The following PRICKLE1 variants were observed in gnomAD, a reference collection of about 807,000 sequenced individuals.
The protein encoded by PRICKLE1 is prickle-like protein 1.
Under a neutral mutation model 70.2 loss-of-function variants are expected in PRICKLE1, and 14 were observed. The observed-to-expected ratio is 0.20, with a 90% CI of 0.13 to 0.31. The LOEUF (loss-of-function observed/expected upper bound fraction) is 0.31, where lower values mean the gene tolerates loss of function less well. Ranked by LOEUF, PRICKLE1 falls within the 10% of genes least tolerant of loss-of-function variation. The pLI is 1.00. For missense variants in PRICKLE1, 821 were observed against 1,026.2 expected (o/e 0.80, Z 2.73); for synonymous variants, 357 against 379.9 (o/e 0.94, Z 0.70).
chr12:42,472,544 C>T lies in PRICKLE1; in HGVS notation c.-28G>A, dbSNP rs749324672. 1.7e-5 allele frequency: 28 copies of T among 1,613,946 alleles called. No individual in the cohort carries two copies. The South Asian group carries it at 3.1e-4, about 18-fold the overall frequency. On this transcript the variant is annotated 5_prime_UTR_variant, in exon 2 of 8. The change creates a new upstream start codon in the 5' untranslated region. Coordinates refer to ENST00000345127, the MANE Select transcript of PRICKLE1 (RefSeq NM_153026.3). Reference sequence around the variant, plus strand: ...AGTTTAAAGCCTGGTTTCTCAGTCACAGGACATCAAACAATGGCTGCTGTG... The same window carrying T: ...AGTTTAAAGCCTGGTTTCTCAGTCATAGGACATCAAACAATGGCTGCTGTG...
intron 1 of PRICKLE1, among the ~76,000 whole-genome samples, chr12:42,508,232 C>A (rs926077591): frequency 6.6e-6 from 1 of 152,060 alleles, no homozygotes; most frequent in Non-Finnish European, 1.5e-5. Flanking sequence ...TATAAAGGAT[C>A]CTCCACGCTC....
At chr12:42,537,370 G>T (rs1160777654) in intron 1 of PRICKLE1, among the ~76,000 whole-genome samples, 2 of 151,898 alleles carry the variant, frequency 1.3e-5, no homozygotes, top group Non-Finnish European at 2.9e-5. Flanking sequence ...TTGCCATGTT[G>T]CCCAGGCTGG....
chr12:42,571,064 T>C (rs1024878826), intron 1 of PRICKLE1, among the ~76,000 whole-genome samples: 1 of 152,188 alleles, frequency 6.6e-6, no homozygotes, highest in African/African-American at 2.4e-5. Context: ...AAGGTTGTCT[T>C]AACACATACA....
intron 1 of PRICKLE1, among the ~76,000 whole-genome samples, chr12:42,540,888 C>G (rs1940099822): frequency 6.6e-6 from 1 of 152,082 alleles, no homozygotes; most frequent in Non-Finnish European, 1.5e-5. Context: ...CTCCATCAAG[C>G]CTCCTTACTC....
chr12:42,496,150 G>A (rs1404770765), intron 1 of PRICKLE1, among the ~76,000 whole-genome samples: 1 of 152,220 alleles, frequency 6.6e-6, no homozygotes, highest in Non-Finnish European at 1.5e-5. Context: ...TTCATGAGCT[G>A]CAGAATGGAT....
chr12:42,578,265 G>A (rs1940834870), intron 1 of PRICKLE1, among the ~76,000 whole-genome samples: 1 of 152,122 alleles, frequency 6.6e-6, no homozygotes, highest in Admixed American at 6.5e-5. Context: ...TCACTTAGAG[G>A]ATTAGCTTTT....
chr12:42,565,807 C>CT, intron 1 of PRICKLE1, among the ~76,000 whole-genome samples: 1 of 152,298 alleles, frequency 6.6e-6, no homozygotes, highest in Middle Eastern at 3.4e-3. Context: ...TGAGGACAGA[C>CT]TGGGCTAAGG....
At chr12:42,581,048 T>C (rs1940889934) in intron 1 of PRICKLE1, among the ~76,000 whole-genome samples, 1 of 152,116 alleles carries the variant, frequency 6.6e-6, no homozygotes, top group African/African-American at 2.4e-5. Context: ...AAGGACACCT[T>C]AGACATCACC....
chr12:42,534,915 T>C (rs186972014), intron 1 of PRICKLE1, among the ~76,000 whole-genome samples: 33 of 152,352 alleles, frequency 2.2e-4, no homozygotes, highest in Admixed American at 1.9e-3. Flanking sequence ...GCAGTAGATA[T>C]GTATGGTTTT....
At chr12:42,559,636 T>TTTG (rs769414237) in intron 1 of PRICKLE1, among the ~76,000 whole-genome samples, 46 of 88,190 alleles carry the variant, frequency 5.2e-4, no homozygotes, top group East Asian at 1.0e-3. Context: ...TTTTTTTTTT[T>TTTG]GGGGGGGGTA....
At chr12:42,548,733 G>A (rs1467664001) in intron 1 of PRICKLE1, among the ~76,000 whole-genome samples, 2 of 152,166 alleles carry the variant, frequency 1.3e-5, no homozygotes, top group Non-Finnish European at 2.9e-5. Context: ...TTCAGATGGA[G>A]AGAATGTGCT....
At chr12:42,537,814 C>T (rs2120581541) in intron 1 of PRICKLE1, among the ~76,000 whole-genome samples, 1 of 152,326 alleles carries the variant, frequency 6.6e-6, no homozygotes, top group East Asian at 1.9e-4. Context: ...CCCAAAATGG[C>T]ATGTCCATCT....
In PRICKLE1 at chr12:42,465,177, G is replaced by T. The variant is rs1361958779; in HGVS notation, c.857C>A (p.Ala286Asp). The T allele has an allele frequency of 6.2e-7, 1 of 1,605,460 alleles. No individual in the cohort carries two copies. Among genetic ancestry groups the T allele is most frequent in the Non-Finnish European group, 8.5e-7 (1 of 1,177,564 alleles). Residue 286 changes from alanine (A) to aspartate (D), a missense_variant, in exon 7 of 8, where the codon GCC (alanine) becomes GAC (aspartate). Coordinates refer to ENST00000345127, the MANE Select transcript of PRICKLE1 (RefSeq NM_153026.3). ...AAGGAAGGGACATCCCAACAAAGAG[G>T]CTTTACACTGGGCACAAGAAAAGCA... The part of the protein sequence containing the change: ...EACFSCAQCK[A>D]SLLGCPFLPK...
At chr12:42,584,777 C>T (rs1444508095) in intron 1 of PRICKLE1, among the ~76,000 whole-genome samples, 1 of 152,124 alleles carries the variant, frequency 6.6e-6, no homozygotes, top group Non-Finnish European at 1.5e-5. Flanking sequence ...GGGATCTCTG[C>T]CTCAGATAAA....
At chr12:42,568,154 AC>A in intron 1 of PRICKLE1, among the ~76,000 whole-genome samples, 3 of 152,322 alleles carry the variant, frequency 2.0e-5, no homozygotes, top group Middle Eastern at 3.4e-3. Flanking sequence ...AAAATAGGGA[AC>A]ACTTTTTGCA....
chr12:42,467,852 T>C (rs1938163178), intron 5 of PRICKLE1, among the ~76,000 whole-genome samples: 1 of 152,226 alleles, frequency 6.6e-6, no homozygotes, highest in Non-Finnish European at 1.5e-5. Context: ...ACAAAGTTTA[T>C]TGTCATAGAT....
At chr12:42,518,276 T>G (rs1274740004) in intron 1 of PRICKLE1, among the ~76,000 whole-genome samples, 1 of 152,144 alleles carries the variant, frequency 6.6e-6, no homozygotes, top group Non-Finnish European at 1.5e-5. Context: ...ACTCCTGGAC[T>G]CAAGCAATCC....
Position 42,491,239 on chromosome 12 carries a change from CA to C in PRICKLE1, c.-48-18676del, listed in dbSNP as rs1307904648. Among the ~76,000 whole-genome samples, 5 of 151,710 alleles carry C rather than the reference CA, an allele frequency of 3.3e-5. No individual in the cohort carries two copies. In the East Asian group the frequency reaches 7.8e-4, roughly 24 times the overall value. On this transcript the variant is annotated intron_variant, in intron 1 of 7. Transcript: ENST00000345127. Reference sequence around the variant, plus strand: ...TAAAATAGAGTATTTAAAAATATTACACTATTTACATGTAATGTTAAAAAGC... The same window carrying C: ...TAAAATAGAGTATTTAAAAATATTACCTATTTACATGTAATGTTAAAAAGC...
chr12:42,503,291 G>T (rs1939347799), intron 1 of PRICKLE1, among the ~76,000 whole-genome samples: 1 of 151,972 alleles, frequency 6.6e-6, no homozygotes, highest in South Asian at 2.1e-4. Context: ...AAAGAGAAGA[G>T]CCTTTTGACA....
Sources: allele counts gnomAD v4.1 joint callset (sites outside exome capture counted in the v4.1 genomes callset), GRCh38; gene constraint gnomAD v4.1.1; transcripts MANE v1.5; gene names NCBI Gene and HGNC (gene_info 2026-07-23, HGNC 2026-07-21).